Variants in USO1 observed in about 807,000 individuals in gnomAD.
The protein encoded by USO1 is general vesicular transport factor p115.
A neutral mutation model predicts 124.5 loss-of-function variants in USO1; 57 were observed. The observed-to-expected ratio is 0.46, with a 90% CI of 0.37 to 0.57. The LOEUF (loss-of-function observed/expected upper bound fraction) is 0.57. USO1 is among the 20% of genes least tolerant of loss of function. The probability of loss-of-function intolerance (pLI) is 0.00; values close to 1 mark genes in which losing one functional copy is unlikely to be tolerated. For missense variants in USO1, 900 were observed against 1,040.6 expected, an observed-to-expected ratio of 0.86 and a Z score of 1.86; for synonymous variants, 369 against 362.8, an observed-to-expected ratio of 1.02 and a Z score of -0.19.
chr4:75,757,420 G>T, intron 3 of USO1, 77 bp from the exon 4 acceptor site: 1 of 1,293,682 alleles, frequency 7.7e-7, no homozygotes. Context: ...TTCTAAAATT[G>T]CTAAATAACT....
chr4:75,745,729 G>A lies in USO1; in HGVS notation c.67-6644G>A, dbSNP rs551962767. ...AGCCTGGCCAACAGGGTGAAACCCC[G>A]TTTCTACTAAAATTACAAAAATTAG... On this transcript the variant is annotated intron_variant, in intron 1 of 23. Coordinates refer to ENST00000514213, the MANE Select transcript of USO1 (RefSeq NM_003715.4). Among the ~76,000 whole-genome samples, 396 of 152,022 alleles carry A rather than the reference G, an allele frequency of 2.6e-3. 1 individual carries two copies. The highest frequency in any genetic ancestry group is 6.8e-3 in the Middle Eastern group (2 of 294).
rs1577914558 is a variant in USO1 at position 75,724,641 on chromosome 4, C to T, written c.-179C>T. The T allele has an allele frequency of 9.9e-6, 6 of 608,676 alleles. No homozygotes were observed. The highest frequency in any genetic ancestry group is 6.3e-5 in the East Asian group (2 of 31,646). 37.7% of individuals were successfully genotyped at this position (608,676 alleles called of 1,614,324 possible). On this transcript the variant is annotated 5_prime_UTR_variant, in exon 1 of 24. Coordinates refer to ENST00000514213, the MANE Select transcript of USO1 (RefSeq NM_003715.4). ...CGTCCCCGCGCATGCGCATCTTGGC[C>T]GCTGCTGGCGGCTGTTTCCGGGCTT...
chr4:75,739,738 G>C (rs1720903708), intron 1 of USO1, among the ~76,000 whole-genome samples: 1 of 151,552 alleles, frequency 6.6e-6, no homozygotes, highest in East Asian at 1.9e-4. Flanking sequence ...GTAGAGACAG[G>C]GTTTCACCAT....
At chr4:75,753,771 G>C in intron 3 of USO1, among the ~76,000 whole-genome samples, 1 of 148,148 alleles carries the variant, frequency 6.8e-6, no homozygotes, top group South Asian at 2.1e-4. Context: ...CCCATTTTTA[G>C]CTCTTTCAAT....
Position 75,808,936 on chromosome 4 carries a change from C to T in USO1, c.2377-17C>T, listed in dbSNP as rs778333092. On this transcript the variant is annotated splice_polypyrimidine_tract_variant and intron_variant, in intron 20 of 23. Transcript: ENST00000514213. ...AATACCATTTAATGTTATGACTCAA[C>T]TATTTTTGTCTCTTAGGAACTGGCA... 4 of 1,576,654 alleles carry T rather than the reference C, an allele frequency of 2.5e-6. No individual in the cohort carries two copies. Among genetic ancestry groups the T allele is most frequent in the Non-Finnish European group, 3.4e-6 (4 of 1,162,334 alleles).
intron 1 of USO1, among the ~76,000 whole-genome samples, chr4:75,746,502 A>G (rs1359360858): frequency 1.3e-5 from 2 of 152,260 alleles, no homozygotes. Context: ...AACTAAGCGT[A>G]CTTTTGTACA....
At chr4:75,809,217 G>A (rs1318796695) in intron 21 of USO1, among the ~76,000 whole-genome samples, 166 bp downstream of exon 21, 3 of 152,144 alleles carry the variant, frequency 2.0e-5, no homozygotes, top group Non-Finnish European at 2.9e-5. Flanking sequence ...GGTGACAGTC[G>A]TTTTATAGTC....
chr4:75,765,879 A>G (rs1160753389), intron 4 of USO1, among the ~76,000 whole-genome samples: 1 of 152,162 alleles, frequency 6.6e-6, no homozygotes, highest in South Asian at 2.1e-4. Flanking sequence ...TTGTAGCATC[A>G]ATCCTCTGCC....
chr4:75,758,355 A>T (rs1478816548), intron 4 of USO1, among the ~76,000 whole-genome samples: 1 of 152,234 alleles, frequency 6.6e-6, no homozygotes, highest in Non-Finnish European at 1.5e-5. Flanking sequence ...GGATATATTC[A>T]TACATTTTAT....
chr4:75,784,222 T>G (rs1359972997), intron 9 of USO1, among the ~76,000 whole-genome samples: 2 of 152,206 alleles, frequency 1.3e-5, no homozygotes, highest in Admixed American at 6.5e-5. Context: ...GGTCTCACTG[T>G]ATTGCCAGGC....
rs1720489009 is a variant in USO1 at position 75,727,195 on chromosome 4, C to T, written c.66+2310C>T. On this transcript the variant is annotated intron_variant, in intron 1 of 23. Coordinates refer to ENST00000514213, the MANE Select transcript of USO1 (RefSeq NM_003715.4). ...TAGAAAGTCCCAGATAGAGCCTCTT[C>T]ATTTTATAGTCACAGAGCACTAAAG... is the stretch of plus-strand genomic sequence containing the variant. Among the ~76,000 whole-genome samples, 3 of 152,196 alleles carry T rather than the reference C, an allele frequency of 2.0e-5. No individual in the cohort carries two copies. The South Asian group carries it at 6.2e-4, about 31-fold the overall frequency.
chr4:75,800,063 T>C (rs1187510980), intron 14 of USO1, among the ~76,000 whole-genome samples: 1 of 151,828 alleles, frequency 6.6e-6, no homozygotes, highest in Non-Finnish European at 1.5e-5. Flanking sequence ...CCTGCCTCAC[T>C]CAGCCTCCTG....
chr4:75,793,205 CTTTTT>C (rs67560505), intron 12 of USO1, among the ~76,000 whole-genome samples: 3 of 87,726 alleles, frequency 3.4e-5, no homozygotes, highest in African/African-American at 8.7e-5. Context: ...TCTCTCTCTC[CTTTTT>C]TTTTTTTTTT....
At chr4:75,789,780 TTC>T (rs1011974642) in intron 10 of USO1, among the ~76,000 whole-genome samples, 1 of 152,152 alleles carries the variant, frequency 6.6e-6, no homozygotes, top group African/African-American at 2.4e-5. Context: ...TAAAACCTTT[TTC>T]TGTTTTTATA....
At chr4:75,806,400 A>G (rs1435810285) in intron 19 of USO1, 86 bp from the exon 20 acceptor site, 2 of 1,461,896 alleles carry the variant, frequency 1.4e-6, no homozygotes, top group African/African-American at 1.4e-5. Flanking sequence ...CACATATGAT[A>G]TAGTTTATAT....
intron 9 of USO1, 123 bp downstream of exon 9, chr4:75,782,981 CTG>C (rs1722263541): frequency 2.3e-6 from 3 of 1,303,228 alleles, no homozygotes; most frequent in Non-Finnish European, 3.0e-6. Context: ...CTTAAAAAAA[CTG>C]TAATATGGAA....
chr4:75,781,381 T>G (rs1194074043), intron 8 of USO1, among the ~76,000 whole-genome samples: 1 of 152,202 alleles, frequency 6.6e-6, no homozygotes, highest in Non-Finnish European at 1.5e-5. Context: ...ATTTAGAATA[T>G]TACATCAACT....
At chr4:75,795,587 CTTGTGCTTCTTCTGGGGATGCTTGCACT>C (rs1227894101) in intron 13 of USO1, among the ~76,000 whole-genome samples, 1 of 152,168 alleles carries the variant, frequency 6.6e-6, no homozygotes, top group African/African-American at 2.4e-5. Context: ...TGAATCTATA[CTTGTGCTTCTTCTGGGGATGCTTGCACT>C]TTCTGGATTT....
chr4:75,770,420 T>C lies in USO1; in HGVS notation c.296-19T>C, dbSNP rs1231716763. 6.6e-7 allele frequency: 1 copy of C among 1,508,770 alleles called. No individual in the cohort carries two copies. Among genetic ancestry groups the C allele is most frequent in the Non-Finnish European group, 8.9e-7 (1 of 1,127,518 alleles). 93.5% of individuals were successfully genotyped at this position (1,508,770 alleles called of 1,614,324 possible). ...TAACCTACTATTAAATTGAAATTCT[T>C]TATTTTTGAATATTACAGAAGAAAA... On this transcript the variant is annotated intron_variant, in intron 4 of 23. Coordinates refer to ENST00000514213, the MANE Select transcript of USO1 (RefSeq NM_003715.4).
Sources: gnomAD v4.1 joint callset for allele counts (sites outside exome capture counted in the v4.1 genomes callset) on GRCh38, gnomAD v4.1.1 for gene constraint, MANE v1.5 for transcripts, NCBI Gene and HGNC (gene_info 2026-07-23, HGNC 2026-07-21) for gene names.